NKAIN2: variants seen among roughly 807,000 people sequenced by gnomAD.
The protein encoded by NKAIN2 is sodium/potassium transporting ATPase interacting 2, also known as sodium/potassium-transporting ATPase subunit beta-1-interacting protein 2.
NKAIN2 carries 14 observed loss-of-function variants against 32.6 expected under a neutral mutation model. That is an observed-to-expected ratio of 0.43 (90% CI 0.28 to 0.67). The LOEUF (loss-of-function observed/expected upper bound fraction) is 0.67. NKAIN2 is among the 30% of genes least tolerant of loss of function. The probability of loss-of-function intolerance (pLI) is 0.17; values close to 1 mark genes in which losing one functional copy is unlikely to be tolerated. For synonymous variants in NKAIN2, 80 were observed against 87.2 expected, an observed-to-expected ratio of 0.92 and a Z score of 0.46; for missense variants, 198 against 258.3, an observed-to-expected ratio of 0.77 and a Z score of 1.60.
At chr6:123,808,447 G>C (rs935252883) in intron 1 of NKAIN2, among the ~76,000 whole-genome samples, 1 of 152,132 alleles carries the variant, frequency 6.6e-6, no homozygotes. Flanking sequence ...TTCTATTTAT[G>C]CATCCTGAAT....
chr6:124,818,726 T>A (rs181727880), intron 6 of NKAIN2, among the ~76,000 whole-genome samples: 21 of 152,202 alleles, frequency 1.4e-4, no homozygotes, highest in African/African-American at 4.8e-4. Context: ...AAAGCCTATG[T>A]TAATTATCTA....
intron 3 of NKAIN2, among the ~76,000 whole-genome samples, chr6:124,551,950 T>A (rs558096960): frequency 9.9e-5 from 15 of 152,178 alleles, no homozygotes; most frequent in Non-Finnish European, 1.9e-4. Context: ...TGTTAGTAAT[T>A]ACTCAGTGGT....
chr6:124,251,537 A>G (rs183648472), intron 1 of NKAIN2, among the ~76,000 whole-genome samples: 61 of 152,142 alleles, frequency 4.0e-4, no homozygotes, highest in African/African-American at 1.4e-3. Context: ...TGGACTAAAG[A>G]AGTAAGCAGA....
intron 1 of NKAIN2, among the ~76,000 whole-genome samples, chr6:123,985,848 A>G (rs563787861): frequency 6.6e-6 from 1 of 152,260 alleles, no homozygotes; most frequent in African/African-American, 2.4e-5. Flanking sequence ...ATACTTAACC[A>G]GGGAAAAATG....
intron 1 of NKAIN2, among the ~76,000 whole-genome samples, chr6:124,049,122 G>A (rs1782279805): frequency 6.6e-6 from 1 of 151,870 alleles, no homozygotes; most frequent in South Asian, 2.1e-4. Flanking sequence ...TCAATTCTCT[G>A]TATTTATTTT....
At chr6:124,292,922 A>G (rs1383046176) in intron 2 of NKAIN2, among the ~76,000 whole-genome samples, 1 of 152,094 alleles carries the variant, frequency 6.6e-6, no homozygotes, top group African/African-American at 2.4e-5. Flanking sequence ...TATTAGGAAG[A>G]TTTAGTTGAA....
chr6:124,734,292 G>A (rs769569996), intron 4 of NKAIN2, among the ~76,000 whole-genome samples: 2 of 151,776 alleles, frequency 1.3e-5, no homozygotes, highest in African/African-American at 4.8e-5. Context: ...TGTTATCTCT[G>A]CTGGGCTTTT....
chr6:123,882,399 C>A (rs17086282), intron 1 of NKAIN2, among the ~76,000 whole-genome samples: 2,028 of 152,040 alleles, frequency 0.013, 37 homozygotes, highest in African/African-American at 0.044. Flanking sequence ...AAAATGGGGA[C>A]AATTATTTCA....
At chr6:124,622,099 A>G (rs1161135610) in intron 3 of NKAIN2, among the ~76,000 whole-genome samples, 2 of 152,198 alleles carry the variant, frequency 1.3e-5, no homozygotes, top group Non-Finnish European at 2.9e-5. Context: ...AAACCAAGGT[A>G]TGTGCAGAGG....
chr6:123,912,903 A>G (rs1260880969), intron 1 of NKAIN2, among the ~76,000 whole-genome samples: 1 of 132,932 alleles, frequency 7.5e-6, no homozygotes, highest in Non-Finnish European at 1.8e-5. Context: ...GAATCCATTA[A>G]ATATTGTGAT....
At chr6:124,040,139 G>C (rs1781801595) in intron 1 of NKAIN2, among the ~76,000 whole-genome samples, 1 of 151,844 alleles carries the variant, frequency 6.6e-6, no homozygotes, top group African/African-American at 2.4e-5. Context: ...TTCCTGAAGG[G>C]GAGTGAGCCT....
chr6:124,466,709 G>A (rs749371656), intron 3 of NKAIN2, among the ~76,000 whole-genome samples: 39 of 149,408 alleles, frequency 2.6e-4, no homozygotes, highest in South Asian at 6.4e-4. Flanking sequence ...AGTTACATAT[G>A]GAGTCAAAAA....
rs542995531 is a variant in NKAIN2, at chr6:124,756,254, A to G, written c.475-35085A>G. ...GCCTTCCCAAAAAACTGGCTGCCTG[A>G]GGCCCCTTCCTCATCTCTAACTGAA... On this transcript the variant is annotated intron_variant, in intron 4 of 6. Transcript: ENST00000368417. Among the ~76,000 whole-genome samples the G allele has an allele frequency of 1.6e-3, 240 of 152,302 alleles. 3 individuals are homozygous for G. The highest frequency in any genetic ancestry group is 5.3e-3 in the African/African-American group (221 of 41,584).
Position 124,125,452 on chromosome 6 carries a change from C to G in NKAIN2, c.55-157553C>G, listed in dbSNP as rs572987793. On this transcript the variant is annotated intron_variant, in intron 1 of 6. Transcript: ENST00000368417. The stretch of plus-strand genomic sequence containing the variant: ...GCTCCATATTTTAAGAAGGCAAACA[C>G]AGTTAAGTCAAAATGACTAATGGGA... Among the ~76,000 whole-genome samples, 3 of 152,200 alleles carry G rather than the reference C, an allele frequency of 2.0e-5. No homozygotes were observed. The East Asian group carries it at 5.8e-4, about 29-fold the overall frequency.
At chr6:124,423,532 T>C (rs1583229447) in intron 3 of NKAIN2, among the ~76,000 whole-genome samples, 1 of 152,170 alleles carries the variant, frequency 6.6e-6, no homozygotes, top group South Asian at 2.1e-4. Flanking sequence ...AAATAAAAAA[T>C]TAAACAGTGT....
intron 3 of NKAIN2, among the ~76,000 whole-genome samples, chr6:124,611,300 T>G (rs971009934): frequency 1.3e-5 from 2 of 152,184 alleles, no homozygotes; most frequent in Non-Finnish European, 2.9e-5. Flanking sequence ...AAGAAAGAGA[T>G]TAAGAAAATA....
chr6:124,494,396 A>T (rs1387773621), intron 3 of NKAIN2, among the ~76,000 whole-genome samples: 1 of 152,150 alleles, frequency 6.6e-6, no homozygotes, highest in Non-Finnish European at 1.5e-5. Context: ...GATAAGCGGC[A>T]GTATTTCAAA....
At chr6:124,731,116 C>T (rs1583750168) in intron 4 of NKAIN2, among the ~76,000 whole-genome samples, 2 of 135,584 alleles carry the variant, frequency 1.5e-5, no homozygotes, top group South Asian at 5.6e-4. Flanking sequence ...GTTGGTGGGA[C>T]TGTAAACTAG....
At chr6:124,153,715 A>T (rs1324030439) in intron 1 of NKAIN2, among the ~76,000 whole-genome samples, 1 of 151,658 alleles carries the variant, frequency 6.6e-6, no homozygotes, top group Non-Finnish European at 1.5e-5. Context: ...CCTTGTTTTC[A>T]GTGACTTCAT....
Sources: allele counts gnomAD v4.1 joint callset (sites outside exome capture counted in the v4.1 genomes callset), GRCh38; gene constraint gnomAD v4.1.1; transcripts MANE v1.5; gene names NCBI Gene and HGNC (gene_info 2026-07-23, HGNC 2026-07-21).